KCNQ1: variants seen among roughly 807,000 people sequenced by gnomAD.
KCNQ1 encodes the protein potassium voltage-gated channel subfamily Q member 1.
KCNQ1 carries 49 observed loss-of-function variants against 72.4 expected under a neutral mutation model. The ratio of observed to expected loss-of-function variants is 0.68; its 90% CI spans 0.54 to 0.86. The LOEUF (loss-of-function observed/expected upper bound fraction) is 0.86, where lower values mean the gene tolerates loss of function less well. Ranked by LOEUF, KCNQ1 falls within the 40% of genes least tolerant of loss-of-function variation. The probability of loss-of-function intolerance (pLI) is 0.00; values close to 1 mark genes in which losing one functional copy is unlikely to be tolerated. For missense variants in KCNQ1, 790 were observed against 945.1 expected, an observed-to-expected ratio of 0.84 and a Z score of 2.15; for synonymous variants, 450 against 412.6, an observed-to-expected ratio of 1.09 and a Z score of -1.10.
chr11:2,813,999 AATGG>A lies in KCNQ1; in HGVS notation c.1795-33752_1795-33749del, dbSNP rs3079053. Among the ~76,000 whole-genome samples, 171 of 149,068 alleles carry A rather than the reference AATGG, an allele frequency of 1.1e-3. No individual in the cohort carries two copies. Among genetic ancestry groups the A allele is most frequent in the African/African-American group, 4.0e-3 (160 of 40,222 alleles). On this transcript the variant is annotated intron_variant, in intron 15 of 15. Coordinates refer to ENST00000155840, the MANE Select transcript of KCNQ1 (RefSeq NM_000218.3). The surrounding 1 kb of genome is among the most constrained non-coding windows in gnomAD (Gnocchi z 4.4). ...GGAGGGAAGGAGGGCTGAATAAAGAAATGGATGGATGGATGGATGATGGATGGAT... is the reference window on the plus strand; with the variant it reads ...GGAGGGAAGGAGGGCTGAATAAAGAAATGGATGGATGGATGATGGATGGAT...
chr11:2,573,045 G>A, intron 6 of KCNQ1, 59 bp downstream of exon 6: 1 of 1,579,160 alleles, frequency 6.3e-7, no homozygotes, highest in Non-Finnish European at 8.6e-7. Flanking sequence ...GAGTGGGCAG[G>A]ACATCTGGGC....
chr11:2,807,911 G>A (rs937398886), intron 15 of KCNQ1, among the ~76,000 whole-genome samples: 9 of 152,322 alleles, frequency 5.9e-5, no homozygotes, highest in South Asian at 2.1e-4. Context: ...GGGAAGCAGC[G>A]GTAGAGAAGG....
chr11:2,742,232 C>G (rs963502109), intron 11 of KCNQ1, among the ~76,000 whole-genome samples: 3 of 152,232 alleles, frequency 2.0e-5, no homozygotes, highest in Non-Finnish European at 1.5e-5. Flanking sequence ...TGATTTGAGA[C>G]CCTGGGTGGT....
chr11:2,794,986 G>T (rs773696272), intron 15 of KCNQ1, among the ~76,000 whole-genome samples: 1 of 152,208 alleles, frequency 6.6e-6, no homozygotes, highest in Non-Finnish European at 1.5e-5. Flanking sequence ...GGGGAGGAAG[G>T]CAAGCAGGCA....
rs543862597 is a variant in KCNQ1, at chr11:2,494,707, A to G, written c.387-33221A>G. 1.3e-5 allele frequency among the ~76,000 whole-genome samples: 2 copies of G among 152,306 alleles called. No individual in the cohort carries two copies. Among genetic ancestry groups the G allele is most frequent in the East Asian group, 1.9e-4 (1 of 5,196 alleles). On this transcript the variant is annotated intron_variant, in intron 1 of 15. Coordinates refer to ENST00000155840, the MANE Select transcript of KCNQ1 (RefSeq NM_000218.3). This position sits in a 1 kb window ranked among gnomAD's most constrained non-coding sequence, Gnocchi z 4.6. ...GATGAAGCCCACTTGATCACCATGGATAAGCTTTTTGATGTGCTGCTGGAT... is the reference window on the plus strand; with the variant it reads ...GATGAAGCCCACTTGATCACCATGGGTAAGCTTTTTGATGTGCTGCTGGAT...
chr11:2,655,949 C>G (rs1363231576), intron 10 of KCNQ1: 1 of 398,628 alleles, frequency 2.5e-6, no homozygotes, highest in African/African-American at 2.1e-5. Context: ...TCCTCTCTGG[C>G]AGGTGCAGGT....
Position 2,562,559 on chromosome 11 carries a change from C to T in KCNQ1, c.478-8069C>T, listed in dbSNP as rs77130796. Among the ~76,000 whole-genome samples, 32 of 152,292 alleles carry T rather than the reference C, an allele frequency of 2.1e-4. No individual in the cohort carries two copies. Among genetic ancestry groups the T allele is most frequent in the African/African-American group, 4.8e-4 (20 of 41,556 alleles). ...CACAGGCCCAGCCCTCTGGCTTCCT[C>T]GCTATGGGAGGGGGTGAGACCCTAA... On this transcript the variant is annotated intron_variant, in intron 2 of 15. Coordinates refer to ENST00000155840, the MANE Select transcript of KCNQ1 (RefSeq NM_000218.3). This position sits in a 1 kb window ranked among gnomAD's most constrained non-coding sequence, Gnocchi z 7.5.
Position 2,673,198 on chromosome 11 carries a change from G to A in KCNQ1, c.1514+11117G>A, listed in dbSNP as rs577482044. The stretch of plus-strand genomic sequence containing the variant: ...GGCCCTGGAGCCAAGGCCAAAAGCC[G>A]AACTGTGACTAGGCAAGCTGAGTCC... On this transcript the variant is annotated intron_variant, in intron 11 of 15. Coordinates refer to ENST00000155840, the MANE Select transcript of KCNQ1 (RefSeq NM_000218.3). This position sits in a 1 kb window ranked among gnomAD's most constrained non-coding sequence, Gnocchi z 4.5. 3.8e-5 allele frequency: 15 copies of A among 398,672 alleles called. No individual in the cohort carries two copies. In the South Asian group the frequency reaches 3.8e-4, roughly 10 times the overall value. 24.7% of individuals were successfully genotyped at this position (398,672 alleles called of 1,614,324 possible). A position where few individuals can be genotyped will look rare whatever the true frequency, so the allele number is the denominator to read the frequency against.
At chr11:2,836,110 A>G (rs2134075562) in intron 15 of KCNQ1, among the ~76,000 whole-genome samples, 1 of 152,306 alleles carries the variant, frequency 6.6e-6, no homozygotes, top group Middle Eastern at 3.4e-3. Flanking sequence ...GCAGAAGGTA[A>G]AGATGAGACC....
rs1202617894 is a variant in KCNQ1, at chr11:2,473,245, T to G, written c.386+27761T>G. On this transcript the variant is annotated intron_variant, in intron 1 of 15. Coordinates refer to ENST00000155840, the MANE Select transcript of KCNQ1 (RefSeq NM_000218.3). The surrounding 1 kb of genome is among the most constrained non-coding windows in gnomAD (Gnocchi z 6.0). ...GGCAGGGAGGGGGCTCCATTAATTC[T>G]GATGTCATTTATTGCTGTTCCTATA... Among the ~76,000 whole-genome samples the G allele has an allele frequency of 2.0e-5, 3 of 152,100 alleles. No homozygotes were observed. Among genetic ancestry groups the G allele is most frequent in the Non-Finnish European group, 4.4e-5 (3 of 68,002 alleles).
intron 12 of KCNQ1, among the ~76,000 whole-genome samples, chr11:2,774,743 AGG>A (rs1846660499): frequency 1.3e-5 from 2 of 152,300 alleles, no homozygotes; most frequent in Admixed American, 1.3e-4. Context: ...GCTGCTTCCC[AGG>A]GTAGAAGTGG....
chr11:2,484,568 A>C lies in KCNQ1; in HGVS notation c.386+39084A>C, dbSNP rs1179351121. Among the ~76,000 whole-genome samples, 1 of 152,170 alleles carries C rather than the reference A, an allele frequency of 6.6e-6. No homozygotes were observed. The highest frequency in any genetic ancestry group is 2.4e-5 in the African/African-American group (1 of 41,446). ...TGGTGGGCCCTGTCTTTTCTTGGAC[A>C]CTGCCTTCCTGGCACCCCAAGATGC... On this transcript the variant is annotated intron_variant, in intron 1 of 15. Transcript: ENST00000155840. This position sits in a 1 kb window ranked among gnomAD's most constrained non-coding sequence, Gnocchi z 5.2.
In KCNQ1 at chr11:2,512,443, C is replaced by T. The variant is rs538409831; in HGVS notation, c.387-15485C>T. Among the ~76,000 whole-genome samples the T allele has an allele frequency of 8.5e-5, 13 of 152,290 alleles. No individual in the cohort carries two copies. The South Asian group carries it at 2.7e-3, about 32-fold the overall frequency. On this transcript the variant is annotated intron_variant, in intron 1 of 15. Coordinates refer to ENST00000155840, the MANE Select transcript of KCNQ1 (RefSeq NM_000218.3). ...AATCCCCATTTCCCCCTCATCCTTGCCCCCACACACCCAGATTTGCAATGG... is the reference window on the plus strand; with the variant it reads ...AATCCCCATTTCCCCCTCATCCTTGTCCCCACACACCCAGATTTGCAATGG...
rs1230437679 is a variant in KCNQ1, at chr11:2,446,248, C to T, written c.386+764C>T. Among the ~76,000 whole-genome samples, 1 of 152,156 alleles carries T rather than the reference C, an allele frequency of 6.6e-6. No individual in the cohort carries two copies. Among genetic ancestry groups the T allele is most frequent in the Non-Finnish European group, 1.5e-5 (1 of 67,996 alleles). ...TTTCTCAGGGACAGGCCTGGGAAGT[C>T]ACCTCCGGGAAGGTCCAGGCTGCTC... On this transcript the variant is annotated intron_variant, in intron 1 of 15. Transcript: ENST00000155840. This position sits in a 1 kb window ranked among gnomAD's most constrained non-coding sequence, Gnocchi z 8.8.
chr11:2,779,420 CAG>C (rs1846776703), intron 15 of KCNQ1, among the ~76,000 whole-genome samples: 1 of 152,152 alleles, frequency 6.6e-6, no homozygotes, highest in African/African-American at 2.4e-5. Context: ...GTGGTAGAGA[CAG>C]GGAGTGGCAC....
chr11:2,561,800 C>T (rs924964783), intron 2 of KCNQ1, among the ~76,000 whole-genome samples: 1 of 152,200 alleles, frequency 6.6e-6, no homozygotes, highest in African/African-American at 2.4e-5. Flanking sequence ...TGTGCAGGGG[C>T]CCAGAAGCCC....
In KCNQ1 at chr11:2,538,650, C is replaced by T. The variant is rs1194546278; in HGVS notation, c.477+10632C>T. On this transcript the variant is annotated intron_variant, in intron 2 of 15. Coordinates refer to ENST00000155840, the MANE Select transcript of KCNQ1 (RefSeq NM_000218.3). This position sits in a 1 kb window ranked among gnomAD's most constrained non-coding sequence, Gnocchi z 6.7. ...GTACATAGGAATCCTGGGCTGGAAC[C>T]GGAAACTTCCCTGAGTATACGGGGC... 3.3e-5 allele frequency among the ~76,000 whole-genome samples: 5 copies of T among 151,988 alleles called. No homozygotes were observed. Among genetic ancestry groups the T allele is most frequent in the South Asian group, 4.2e-4 (2 of 4,806 alleles).
chr11:2,446,209 G>A lies in KCNQ1; in HGVS notation c.386+725G>A, dbSNP rs2133561586. Among the ~76,000 whole-genome samples the A allele has an allele frequency of 6.6e-6, 1 of 152,284 alleles. No homozygotes were observed. The highest frequency in any genetic ancestry group is 3.4e-3 in the Middle Eastern group (1 of 294). Reference sequence around the variant, plus strand: ...TTCCCGGTACAGCGTGCCTGAGCAGGGCTGGGCACTGGATTTCTCAGGGAC... The same window carrying A: ...TTCCCGGTACAGCGTGCCTGAGCAGAGCTGGGCACTGGATTTCTCAGGGAC... On this transcript the variant is annotated intron_variant, in intron 1 of 15. Coordinates refer to ENST00000155840, the MANE Select transcript of KCNQ1 (RefSeq NM_000218.3). The surrounding 1 kb of genome is among the most constrained non-coding windows in gnomAD (Gnocchi z 8.8).
chr11:2,588,847 C>T lies in KCNQ1; in HGVS notation c.1386C>T (p.Asp462=), dbSNP rs749631604. Residue 462 remains aspartate, a synonymous_variant, in exon 10 of 16, where the codon GAC becomes GAT. Coordinates refer to ENST00000155840, the MANE Select transcript of KCNQ1 (RefSeq NM_000218.3). The surrounding 1 kb of genome is among the most constrained non-coding windows in gnomAD (Gnocchi z 5.6). ...RLDHFSVDGY[D]SSVRKSPTLL... is the part of the protein sequence containing the mutation. The stretch of plus-strand genomic sequence containing the variant: ...ACCACTTCTCTGTCGACGGCTATGA[C>T]AGTTCTGGTGAGAACCCCTCAGGCA... 4.3e-6 allele frequency: 7 copies of T among 1,611,998 alleles called. No individual in the cohort carries two copies. The Admixed American group carries it at 8.3e-5, about 19-fold the overall frequency.
Sources: allele counts gnomAD v4.1 joint callset (sites outside exome capture counted in the v4.1 genomes callset), GRCh38; gene constraint gnomAD v4.1.1; non-coding constraint Gnocchi (gnomAD v3.1); transcripts MANE v1.5; gene names NCBI Gene and HGNC (gene_info 2026-07-23, HGNC 2026-07-21).